DPP10: variants seen among roughly 807,000 people sequenced by gnomAD.
DPP10 encodes the protein dipeptidyl peptidase like 10.
DPP10 carries 33 observed loss-of-function variants against 120.9 expected under a neutral mutation model. That is an observed-to-expected ratio of 0.27 (90% CI 0.21 to 0.37). The LOEUF is 0.37. Ranked by LOEUF, DPP10 falls within the 10% of genes least tolerant of loss-of-function variation. The pLI, the probability that DPP10 is intolerant of heterozygous loss-of-function variation, is 1.00. For synonymous variants in DPP10, 337 were observed against 326.1 expected (o/e 1.03, Z -0.36); for missense variants, 816 against 942.8 (o/e 0.87, Z 1.76).
At position 114,634,707 on chromosome 2, in the gene DPP10, C is replaced by G. The variant is rs543630796; in HGVS notation, c.60+191869C>G. Among the ~76,000 whole-genome samples the G allele has an allele frequency of 2.0e-5, 3 of 151,992 alleles. 1 individual carries two copies. The highest frequency in any genetic ancestry group is 7.3e-5 in the African/African-American group (3 of 41,284). ...AGAGCGTAACAAAGAATAGAGATAA[C>G]TTAAGCAAATTAAGTTGTAGATTGT... On this transcript the variant is annotated intron_variant, in intron 1 of 25. Coordinates refer to ENST00000410059, the MANE Select transcript of DPP10 (RefSeq NM_020868.6).
At chr2:115,154,599 T>TA (rs1013835216) in intron 1 of DPP10, among the ~76,000 whole-genome samples, 14 of 151,974 alleles carry the variant, frequency 9.2e-5, no homozygotes, top group Non-Finnish European at 2.9e-5. Context: ...TTCAGTAAAA[T>TA]AAAAAATACA....
At chr2:115,399,000 T>C (rs1239724838) in intron 3 of DPP10, among the ~76,000 whole-genome samples, 1 of 152,138 alleles carries the variant, frequency 6.6e-6, no homozygotes, top group Non-Finnish European at 1.5e-5. Flanking sequence ...CAGCTTTCCA[T>C]CCCTTTAGCA....
intron 1 of DPP10, among the ~76,000 whole-genome samples, chr2:114,452,474 G>C (rs1481999881): frequency 6.6e-6 from 1 of 152,092 alleles, no homozygotes; most frequent in Non-Finnish European, 1.5e-5. Flanking sequence ...ATTTCTTAGA[G>C]ATTTCCTAGT....
At chr2:115,585,225 AAATT>A (rs1371241810) in intron 5 of DPP10, among the ~76,000 whole-genome samples, 6 of 152,296 alleles carry the variant, frequency 3.9e-5, no homozygotes, top group Non-Finnish European at 7.4e-5. Context: ...GCTAAGAAGT[AAATT>A]AATCAGTTTA....
At chr2:114,944,030 T>G (rs1697170405) in intron 1 of DPP10, among the ~76,000 whole-genome samples, 1 of 152,148 alleles carries the variant, frequency 6.6e-6, no homozygotes, top group South Asian at 2.1e-4. Context: ...TTTTTTGCTA[T>G]CATAATATAA....
chr2:115,497,345 A>G (rs908121552), intron 3 of DPP10, among the ~76,000 whole-genome samples: 4 of 152,102 alleles, frequency 2.6e-5, no homozygotes, highest in Non-Finnish European at 5.9e-5. Flanking sequence ...CGCTTGGCCA[A>G]TACCCAAGAA....
Position 114,678,373 on chromosome 2 carries a change from T to C in DPP10, c.60+235535T>C, listed in dbSNP as rs530834180. On this transcript the variant is annotated intron_variant, in intron 1 of 25. Coordinates refer to ENST00000410059, the MANE Select transcript of DPP10 (RefSeq NM_020868.6). The stretch of plus-strand genomic sequence containing the variant: ...CTTTCACTCTAACCCTATATTTCCA[T>C]AGGAGTTTTTGTTCTGTGGGAAAAG... Among the ~76,000 whole-genome samples the C allele has an allele frequency of 2.0e-5, 3 of 152,168 alleles. No homozygotes were observed. The South Asian group carries it at 6.2e-4, about 32-fold the overall frequency.
chr2:115,303,770 G>A (rs1016217042), intron 1 of DPP10, among the ~76,000 whole-genome samples: 1 of 151,692 alleles, frequency 6.6e-6, no homozygotes, highest in African/African-American at 2.4e-5. Flanking sequence ...ATCTTGTGTG[G>A]TATCCCAAAC....
chr2:115,090,785 G>A (rs1709182531), intron 1 of DPP10, among the ~76,000 whole-genome samples: 1 of 151,980 alleles, frequency 6.6e-6, no homozygotes, highest in African/African-American at 2.4e-5. Flanking sequence ...TTTATGGTGG[G>A]GTTGGAATGT....
intron 3 of DPP10, among the ~76,000 whole-genome samples, chr2:115,421,566 A>T (rs1307489136): frequency 6.6e-6 from 1 of 152,110 alleles, no homozygotes; most frequent in Non-Finnish European, 1.5e-5. Flanking sequence ...TAAATTCGTA[A>T]TATTTTTTAT....
rs1281250090 is a variant in DPP10 at position 114,938,168 on chromosome 2, CGGTTT to C, written c.61-371069_61-371065del. On this transcript the variant is annotated intron_variant, in intron 1 of 25. Coordinates refer to ENST00000410059, the MANE Select transcript of DPP10 (RefSeq NM_020868.6). ...GACTATATACACATCTCCCAACTGTCGGTTTGTAACAAAATTGGTTTTATTTTTGT... is the reference window on the plus strand; with the variant it reads ...GACTATATACACATCTCCCAACTGTCGTAACAAAATTGGTTTTATTTTTGT... Among the ~76,000 whole-genome samples the C allele has an allele frequency of 3.9e-5, 6 of 152,278 alleles. No individual in the cohort carries two copies. In the East Asian group the frequency reaches 1.2e-3, roughly 29 times the overall value.
intron 1 of DPP10, among the ~76,000 whole-genome samples, chr2:114,655,818 G>A (rs1696927058): frequency 6.6e-6 from 1 of 151,942 alleles, no homozygotes; most frequent in Admixed American, 6.6e-5. Flanking sequence ...ACAAGCTATA[G>A]GTAAGGATTC....
At chr2:114,889,239 G>A (rs767033823) in intron 1 of DPP10, among the ~76,000 whole-genome samples, 1 of 152,146 alleles carries the variant, frequency 6.6e-6, no homozygotes, top group Non-Finnish European at 1.5e-5. Context: ...TGTTATGACA[G>A]CCTTAGCAAA....
intron 1 of DPP10, among the ~76,000 whole-genome samples, chr2:115,234,797 A>G (rs781026760): frequency 1.1e-4 from 17 of 152,300 alleles, no homozygotes; most frequent in Non-Finnish European, 1.5e-4. Context: ...AGTCCTACTT[A>G]ATACATATAA....
intron 1 of DPP10, among the ~76,000 whole-genome samples, chr2:114,998,380 A>G (rs913574077): frequency 1.7e-4 from 26 of 152,304 alleles, no homozygotes; most frequent in Non-Finnish European, 2.9e-4. Context: ...GATCAATGAC[A>G]TATTAATCCC....
intron 1 of DPP10, among the ~76,000 whole-genome samples, chr2:114,748,225 A>C (rs1326909966): frequency 6.6e-6 from 1 of 151,778 alleles, no homozygotes; most frequent in Non-Finnish European, 1.5e-5. Context: ...TAGTTTGAGA[A>C]GTGCTAGTGT....
At chr2:114,918,312 G>C (rs969116019) in intron 1 of DPP10, among the ~76,000 whole-genome samples, 1 of 152,060 alleles carries the variant, frequency 6.6e-6, no homozygotes, top group African/African-American at 2.4e-5. Flanking sequence ...TGTTTGTGAG[G>C]GTGCAGAGAA....
chr2:115,384,487 A>AG lies in DPP10; in HGVS notation c.271+40576dup, dbSNP rs1438776324. Among the ~76,000 whole-genome samples, 4 of 149,622 alleles carry AG rather than the reference A, an allele frequency of 2.7e-5. No individual in the cohort carries two copies. In the East Asian group the frequency reaches 5.9e-4, roughly 22 times the overall value. On this transcript the variant is annotated intron_variant, in intron 3 of 25. Transcript: ENST00000410059. ...GAAGAAGGAAGAAGAAGGAAGAAGAAGAAGAAGAGGAAAAGAAGAAGAAGA... is the reference window on the plus strand; with the variant it reads ...GAAGAAGGAAGAAGAAGGAAGAAGAAGGAAGAAGAGGAAAAGAAGAAGAAGA...
At chr2:114,812,128 T>G (rs550303541) in intron 1 of DPP10, among the ~76,000 whole-genome samples, 1 of 152,226 alleles carries the variant, frequency 6.6e-6, no homozygotes, top group Non-Finnish European at 1.5e-5. Flanking sequence ...CACCTACTTT[T>G]AATTTTTAAG....
Sources: gnomAD v4.1 joint callset for allele counts (sites outside exome capture counted in the v4.1 genomes callset) on GRCh38, gnomAD v4.1.1 for gene constraint, MANE v1.5 for transcripts, NCBI Gene and HGNC (gene_info 2026-07-23, HGNC 2026-07-21) for gene names.